RNF216: variants seen among roughly 807,000 people sequenced by gnomAD.
RNF216 encodes E3 ubiquitin-protein ligase RNF216.
In RNF216, 72 loss-of-function variants were observed where a neutral mutation model predicts 110.8. The observed-to-expected ratio is 0.65, with a 90% CI of 0.54 to 0.79. The LOEUF (loss-of-function observed/expected upper bound fraction) is 0.79. Ranked by LOEUF, RNF216 falls within the 30% of genes least tolerant of loss-of-function variation. RNF216 has a pLI of 0.00. For synonymous variants in RNF216, 495 were observed against 407.5 expected, an observed-to-expected ratio of 1.21 and a Z score of -2.59; for missense variants, 1,342 against 1,141.2, an observed-to-expected ratio of 1.18 and a Z score of -2.54.
chr7:5,669,139 G>T (rs996822117), intron 13 of RNF216, among the ~76,000 whole-genome samples: 3 of 152,198 alleles, frequency 2.0e-5, no homozygotes, highest in African/African-American at 7.2e-5. Context: ...AGGATGGGCA[G>T]GACTGTCTGC....
chr7:5,697,148 G>T (rs983550300), intron 13 of RNF216, among the ~76,000 whole-genome samples: 1 of 152,106 alleles, frequency 6.6e-6, no homozygotes, highest in Non-Finnish European at 1.5e-5. Context: ...ACCCAGCTTT[G>T]CTCGTGTCAT....
intron 3 of RNF216, among the ~76,000 whole-genome samples, chr7:5,746,225 C>G (rs898497325): frequency 1.3e-5 from 2 of 152,144 alleles, no homozygotes; most frequent in African/African-American, 4.8e-5. Context: ...CAAGGTTAGG[C>G]TGCACTGTGA....
chr7:5,765,869 C>T (rs1796178511), intron 1 of RNF216, among the ~76,000 whole-genome samples: 1 of 148,414 alleles, frequency 6.7e-6, no homozygotes, highest in African/African-American at 2.5e-5. Flanking sequence ...GGCAGAATTG[C>T]TTGAACCCGG....
chr7:5,727,749 G>C (rs1368019775), intron 7 of RNF216, among the ~76,000 whole-genome samples: 1 of 151,882 alleles, frequency 6.6e-6, no homozygotes, highest in African/African-American at 2.4e-5. Flanking sequence ...TAACCATGAT[G>C]ATGATGATAA....
intron 13 of RNF216, among the ~76,000 whole-genome samples, chr7:5,676,275 G>C (rs1017981085): frequency 6.6e-6 from 1 of 152,174 alleles, no homozygotes; most frequent in African/African-American, 2.4e-5. Flanking sequence ...GCCTCCCAAA[G>C]TGGGAGGCAT....
chr7:5,727,107 G>A (rs1330288268), intron 7 of RNF216, among the ~76,000 whole-genome samples: 3 of 152,188 alleles, frequency 2.0e-5, no homozygotes, highest in Admixed American at 2.0e-4. Flanking sequence ...TCCCAGTCTG[G>A]GCAGCAATGA....
At chr7:5,769,113 C>G (rs1403776603) in intron 1 of RNF216, among the ~76,000 whole-genome samples, 3 of 130,094 alleles carry the variant, frequency 2.3e-5, no homozygotes, top group African/African-American at 8.7e-5. Context: ...ATTTACAGTT[C>G]CAAATGCCTT....
intron 3 of RNF216, among the ~76,000 whole-genome samples, chr7:5,749,647 G>C (rs1795230808): frequency 6.6e-6 from 1 of 152,132 alleles, no homozygotes. Context: ...ATTTTGTTCT[G>C]ACACTTTCTG....
chr7:5,652,132 G>A (rs563790125), intron 14 of RNF216, among the ~76,000 whole-genome samples: 9 of 152,166 alleles, frequency 5.9e-5, no homozygotes, highest in East Asian at 3.9e-4. Flanking sequence ...TAATTAAAAC[G>A]CGTTACTTGC....
intron 13 of RNF216, among the ~76,000 whole-genome samples, chr7:5,653,998 C>CT (rs1788570898): frequency 6.6e-6 from 1 of 152,162 alleles, no homozygotes; most frequent in South Asian, 2.1e-4. Context: ...CCTATGAGCA[C>CT]TAGGAAGCCC....
At chr7:5,747,823 G>A (rs1795114825) in intron 3 of RNF216, among the ~76,000 whole-genome samples, 1 of 150,226 alleles carries the variant, frequency 6.7e-6, no homozygotes, top group South Asian at 2.1e-4. Context: ...CAAGGTCCCA[G>A]GCTGAAGTAT....
intron 15 of RNF216, among the ~76,000 whole-genome samples, chr7:5,639,335 A>G (rs1787590485): frequency 6.6e-6 from 1 of 152,230 alleles, no homozygotes; most frequent in African/African-American, 2.4e-5. Context: ...GATCCCAGAT[A>G]AGAGCTGCTA....
At chr7:5,740,928 T>C in intron 4 of RNF216, 45 bp downstream of exon 4, 1 of 1,449,438 alleles carries the variant, frequency 6.9e-7, no homozygotes. Flanking sequence ...AGAAAAAAAC[T>C]CAGTATATGT....
intron 13 of RNF216, among the ~76,000 whole-genome samples, chr7:5,679,186 G>C (rs852398): frequency 0.015 from 2,296 of 152,206 alleles, 32 homozygotes; most frequent in South Asian, 0.034. Flanking sequence ...GTCACCCTCG[G>C]GTAGGGGTGG....
At chr7:5,653,011 G>C (rs915007666) in intron 13 of RNF216, among the ~76,000 whole-genome samples, 1 of 152,156 alleles carries the variant, frequency 6.6e-6, no homozygotes, top group African/African-American at 2.4e-5. Flanking sequence ...GAGCTGCTTG[G>C]CAGGGCCTGT....
intron 1 of RNF216, among the ~76,000 whole-genome samples, chr7:5,764,138 A>C (rs900752122): frequency 6.6e-6 from 1 of 151,870 alleles, no homozygotes; most frequent in Non-Finnish European, 1.5e-5. Flanking sequence ...TTGTAGAGTA[A>C]GCTGAGATCA....
intron 13 of RNF216, among the ~76,000 whole-genome samples, chr7:5,656,476 C>G (rs1247242183): frequency 6.6e-6 from 1 of 152,158 alleles, no homozygotes; most frequent in African/African-American, 2.4e-5. Flanking sequence ...CACTTTCTAT[C>G]CCCTTGTGCC....
At chr7:5,649,396 AAAGAC>A (rs1453562340) in intron 14 of RNF216, among the ~76,000 whole-genome samples, 5 of 152,046 alleles carry the variant, frequency 3.3e-5, no homozygotes, top group African/African-American at 7.2e-5. Flanking sequence ...GAAAAAAAAA[AAAGAC>A]AGAAAGAAAG....
At position 5,680,905 on chromosome 7, in the gene RNF216, CATCTAACCCACTCCT is replaced by C. The variant is rs1790610549; in HGVS notation, c.2062-28410_2062-28396del. 6.6e-6 allele frequency among the ~76,000 whole-genome samples: 1 copy of C among 152,150 alleles called. No individual in the cohort carries two copies. The highest frequency in any genetic ancestry group is 2.4e-5 in the African/African-American group (1 of 41,442). ...TGTTCCGCCTCCAAAATGCACCTCACATCTAACCCACTCCTATCTGGGTCCAAAACCCAGCCTAGA... is the reference window on the plus strand; with the variant it reads ...TGTTCCGCCTCCAAAATGCACCTCACATCTGGGTCCAAAACCCAGCCTAGA... On this transcript the variant is annotated intron_variant, in intron 13 of 16. Coordinates refer to ENST00000389902, the MANE Select transcript of RNF216 (RefSeq NM_207111.4). The surrounding 1 kb of genome is among the most constrained non-coding windows in gnomAD (Gnocchi z 4.3).
Sources: allele counts gnomAD v4.1 joint callset (sites outside exome capture counted in the v4.1 genomes callset), GRCh38; gene constraint gnomAD v4.1.1; non-coding constraint Gnocchi (gnomAD v3.1); transcripts MANE v1.5; gene names NCBI Gene and HGNC (gene_info 2026-07-23, HGNC 2026-07-21).